The following GNG7 variants were observed in gnomAD, a reference collection of about 807,000 sequenced individuals.
The protein encoded by GNG7 is guanine nucleotide-binding protein G(I)/G(S)/G(O) subunit gamma-7.
A neutral mutation model predicts 4.0 loss-of-function variants in GNG7; 1 was observed. The observed-to-expected ratio is 0.25, with a 90% CI of 0.09 to 1.18. The LOEUF is 1.18. Ranked by LOEUF, GNG7 falls within the 50% of genes most tolerant of loss-of-function variation. GNG7 has a pLI of 0.50. For synonymous variants in GNG7, 34 were observed against 36.9 expected (o/e 0.92, Z 0.29); for missense variants, 86 against 91.9 (o/e 0.94, Z 0.26).
chr19:2,698,620 A>G (rs1913328410), intron 1 of GNG7, among the ~76,000 whole-genome samples: 1 of 152,174 alleles, frequency 6.6e-6, no homozygotes, highest in African/African-American at 2.4e-5. Flanking sequence ...TCCCAAGCCT[A>G]TAGAGACCAG....
In GNG7 at chr19:2,571,040, G is replaced by T. The variant is rs2144780831; in HGVS notation, c.-77-15852C>A. ...GGGTCTCAAACTCTTAGACTCAAGT[G>T]ATCCACCCACCTTGGCCTCCCAAAG... is the stretch of plus-strand genomic sequence containing the variant. On this transcript the variant is annotated intron_variant, in intron 2 of 4. Coordinates refer to ENST00000382159, the MANE Select transcript of GNG7 (RefSeq NM_052847.3). 2.6e-5 allele frequency among the ~76,000 whole-genome samples: 4 copies of T among 151,952 alleles called. 1 individual carries two copies. In the Middle Eastern group the frequency reaches 0.014, roughly 517 times the overall value.
chr19:2,586,984 C>CAAAAA (rs756891397), intron 2 of GNG7, among the ~76,000 whole-genome samples: 26 of 48,688 alleles, frequency 5.3e-4, no homozygotes, highest in Non-Finnish European at 7.5e-4. Flanking sequence ...GACTCCATCT[C>CAAAAA]AAAAAAAAAA....
intron 1 of GNG7, among the ~76,000 whole-genome samples, chr19:2,656,774 C>T (rs1014347384): frequency 2.6e-5 from 4 of 152,200 alleles, no homozygotes; most frequent in Non-Finnish European, 5.9e-5. Flanking sequence ...TGGGAGGCCT[C>T]GACAGAGAGC....
At chr19:2,659,821 T>C (rs1382168099) in intron 1 of GNG7, among the ~76,000 whole-genome samples, 4 of 151,706 alleles carry the variant, frequency 2.6e-5, no homozygotes, top group Admixed American at 6.6e-5. Flanking sequence ...ACACCCACTT[T>C]AGACAACATG....
chr19:2,550,084 G>C (rs1599384963), intron 3 of GNG7, among the ~76,000 whole-genome samples: 1 of 152,326 alleles, frequency 6.6e-6, no homozygotes, highest in South Asian at 2.1e-4. Context: ...TTGGGTCTGG[G>C]GTGCCCTGAT....
At chr19:2,518,789 T>C (rs1345770507) in intron 4 of GNG7, among the ~76,000 whole-genome samples, 2 of 152,012 alleles carry the variant, frequency 1.3e-5, no homozygotes, top group South Asian at 2.1e-4. Flanking sequence ...TGGTTAAATG[T>C]TTTTTTGTTT....
rs572335493 is a variant in GNG7 at position 2,698,975 on chromosome 19, A to G, written c.-135+3671T>C. On this transcript the variant is annotated intron_variant, in intron 1 of 4. Transcript: ENST00000382159. ...AAGCTCCTCTGTAAGATCGAGACGC[A>G]CCTGCAGAATTTGAGCTTCGTTGGA... Among the ~76,000 whole-genome samples the G allele has an allele frequency of 1.6e-3, 237 of 152,308 alleles. 1 individual carries two copies. Among genetic ancestry groups the G allele is most frequent in the African/African-American group, 5.1e-3 (214 of 41,578 alleles).
intron 2 of GNG7, chr19:2,642,724 G>A (rs1157268497): frequency 2.2e-6 from 1 of 448,964 alleles, no homozygotes; most frequent in Non-Finnish European, 4.5e-6. Context: ...AAACTCCTGG[G>A]CTCAAGCCAT....
chr19:2,610,872 G>A (rs1240332354), intron 2 of GNG7: 1 of 150,230 alleles, frequency 6.7e-6, no homozygotes, highest in African/African-American at 2.4e-5. Context: ...TCCCAGGCCA[G>A]GTTTGGTTTC....
rs147097648 is a variant in GNG7 at position 2,669,560 on chromosome 19, C to G, written c.-134-23280G>C. Among the ~76,000 whole-genome samples, 969 of 152,282 alleles carry G rather than the reference C, an allele frequency of 6.4e-3. 13 individuals carry two copies. Among genetic ancestry groups the G allele is most frequent in the African/African-American group, 0.022 (926 of 41,558 alleles). ...ACTGTGGGTCAAATCCAGCCCACCA[C>G]TTGCTTTCGTCAATAAGTTTTGTTG... On this transcript the variant is annotated intron_variant, in intron 1 of 4. Coordinates refer to ENST00000382159, the MANE Select transcript of GNG7 (RefSeq NM_052847.3).
intron 1 of GNG7, among the ~76,000 whole-genome samples, chr19:2,684,689 G>C (rs1276554188): frequency 1.3e-5 from 2 of 152,116 alleles, no homozygotes; most frequent in Non-Finnish European, 2.9e-5. Flanking sequence ...GATTCACAGA[G>C]ACGGAAAGTA....
At chr19:2,568,337 A>G (rs1301679888) in intron 2 of GNG7, among the ~76,000 whole-genome samples, 3 of 150,218 alleles carry the variant, frequency 2.0e-5, no homozygotes, top group Non-Finnish European at 2.9e-5. Context: ...ATACACACAT[A>G]TAGACATACA....
chr19:2,520,488 C>A, intron 4 of GNG7, 120 bp downstream of exon 4: 1 of 617,580 alleles, frequency 1.6e-6, no homozygotes, highest in Non-Finnish European at 2.9e-6. Flanking sequence ...GCCTCAAGGT[C>A]ACACAGCAAG....
rs558460948 is a variant in GNG7, at chr19:2,583,388, G to A, written c.-77-28200C>T. Among the ~76,000 whole-genome samples, 11 of 152,298 alleles carry A rather than the reference G, an allele frequency of 7.2e-5. No homozygotes were observed. In the East Asian group the frequency reaches 1.2e-3, roughly 16 times the overall value. ...ACCCCCTTTGTAGACTGTGGAACCC[G>A]GGCTGGCTCAGCACAGTCTTGCAGC... is the stretch of plus-strand genomic sequence containing the variant. On this transcript the variant is annotated intron_variant, in intron 2 of 4. Coordinates refer to ENST00000382159, the MANE Select transcript of GNG7 (RefSeq NM_052847.3).
chr19:2,568,085 GCACA>G lies in GNG7; in HGVS notation c.-77-12901_-77-12898del, dbSNP rs143430661. Among the ~76,000 whole-genome samples the G allele has an allele frequency of 1.4e-3, 196 of 143,484 alleles. 3 individuals carry two copies. The highest frequency in any genetic ancestry group is 7.6e-3 in the Middle Eastern group (2 of 262). The allele number at this position is 143,484 out of a possible 152,430, so 94.1% of individuals were successfully genotyped here. ...TATAGACATACACACATATACACATGCACACACACACACTTACACACATGCACAT... is the reference window on the plus strand; with the variant it reads ...TATAGACATACACACATATACACATGCACACACACTTACACACATGCACAT... On this transcript the variant is annotated intron_variant, in intron 2 of 4. Transcript: ENST00000382159.
At position 2,588,686 on chromosome 19, in the gene GNG7, G is replaced by C. The variant is rs2144798860; in HGVS notation, c.-77-33498C>G. ...TCCGTGGGAACTCCAGACTCAGGGTGACCAACCCCAGCTGGGTTACCCAGG... is the reference window on the plus strand; with the variant it reads ...TCCGTGGGAACTCCAGACTCAGGGTCACCAACCCCAGCTGGGTTACCCAGG... On this transcript the variant is annotated intron_variant, in intron 2 of 4. Coordinates refer to ENST00000382159, the MANE Select transcript of GNG7 (RefSeq NM_052847.3). Among the ~76,000 whole-genome samples the C allele has an allele frequency of 2.0e-5, 3 of 152,330 alleles. No homozygotes were observed. In the South Asian group the frequency reaches 6.2e-4, roughly 32 times the overall value.
intron 3 of GNG7, among the ~76,000 whole-genome samples, chr19:2,553,807 A>T (rs370046228): frequency 4.8e-5 from 7 of 146,584 alleles, no homozygotes; most frequent in Admixed American, 2.8e-4. Flanking sequence ...ATCATGTGTA[A>T]TATATCACAT....
At chr19:2,691,262 G>A (rs10423135) in intron 1 of GNG7, among the ~76,000 whole-genome samples, 28,457 of 152,066 alleles carry the variant, frequency 0.19, 3,699 homozygotes, top group East Asian at 0.59. Flanking sequence ...AAATGGTTTC[G>A]GCCTGGCTCA....
intron 4 of GNG7, among the ~76,000 whole-genome samples, chr19:2,519,422 C>G (rs1381474121): frequency 6.6e-6 from 1 of 151,790 alleles, no homozygotes; most frequent in Non-Finnish European, 1.5e-5. Flanking sequence ...TCCCAAAGTG[C>G]TGGAATTATA....
Sources: allele counts gnomAD v4.1 joint callset (sites outside exome capture counted in the v4.1 genomes callset), GRCh38; gene constraint gnomAD v4.1.1; transcripts MANE v1.5; gene names NCBI Gene and HGNC (gene_info 2026-07-23, HGNC 2026-07-21).